The following IL34 variants were observed in gnomAD, a reference collection of about 807,000 sequenced individuals.
IL34 encodes interleukin 34, also known as interleukin-34.
IL34 carries 17 observed loss-of-function variants against 25.3 expected under a neutral mutation model. That is an observed-to-expected ratio of 0.67 (90% CI 0.46 to 1.01). IL34 has a LOEUF of 1.01. IL34 is among the 50% of genes least tolerant of loss of function. IL34 has a pLI of 0.00. For missense variants in IL34, 368 were observed against 312.9 expected (o/e 1.18, Z -1.33); for synonymous variants, 174 against 140.9 (o/e 1.23, Z -1.66).
upstream of IL34, among the ~76,000 whole-genome samples, chr16:70,646,117 C>G (rs1030596779): frequency 6.6e-6 from 1 of 151,858 alleles, no homozygotes; most frequent in African/African-American, 2.4e-5. Context: ...ACTATGCTGA[C>G]CAGGCTGGTC....
chr16:70,619,939 GGGA>G (rs2051245546), intron 1 of IL34, among the ~76,000 whole-genome samples: 1 of 152,192 alleles, frequency 6.6e-6, no homozygotes, highest in South Asian at 2.1e-4. Context: ...AAGCTCCTGT[GGGA>G]GGAGGTTCTG....
chr16:70,614,229 C>G (rs929888729), intron 1 of IL34, among the ~76,000 whole-genome samples: 1 of 151,448 alleles, frequency 6.6e-6, no homozygotes, highest in African/African-American at 2.4e-5. Flanking sequence ...CTACCCCAGA[C>G]TTTCTGAGTG....
At chr16:70,655,392 C>T (rs1307053750) in intron 2 of IL34, among the ~76,000 whole-genome samples, 1 of 149,452 alleles carries the variant, frequency 6.7e-6, no homozygotes, top group African/African-American at 2.5e-5. Flanking sequence ...CCTAAAAATC[C>T]TTTTCTTTTC....
chr16:70,586,898 C>T (rs1008213324), intron 1 of IL34, among the ~76,000 whole-genome samples: 11 of 152,204 alleles, frequency 7.2e-5, no homozygotes, highest in South Asian at 4.1e-4. Context: ...TCACCTGTGG[C>T]GGCCACCTGG....
At chr16:70,634,836 T>C (rs1235896122) in intron 1 of IL34, among the ~76,000 whole-genome samples, 1 of 152,190 alleles carries the variant, frequency 6.6e-6, no homozygotes, top group Non-Finnish European at 1.5e-5. Context: ...AATTATGTAG[T>C]GTGCACGCTT....
intron 1 of IL34, among the ~76,000 whole-genome samples, chr16:70,652,775 T>C (rs2052112539): frequency 6.6e-6 from 1 of 152,240 alleles, no homozygotes; most frequent in African/African-American, 2.4e-5. Flanking sequence ...AGTATAGACA[T>C]TTTTAAGGCT....
At chr16:70,615,169 A>G (rs1451577102) in intron 1 of IL34, among the ~76,000 whole-genome samples, 1 of 152,198 alleles carries the variant, frequency 6.6e-6, no homozygotes, top group Non-Finnish European at 1.5e-5. Context: ...CCTGACAAAA[A>G]GTCCATCGAA....
chr16:70,638,534 G>T (rs1437006703), intron 1 of IL34, among the ~76,000 whole-genome samples: 1 of 151,950 alleles, frequency 6.6e-6, no homozygotes, highest in African/African-American at 2.4e-5. Context: ...CTCTCTCTCT[G>T]GTCCCCTGGT....
upstream of IL34, among the ~76,000 whole-genome samples, chr16:70,645,167 G>A (rs1567461275): frequency 6.6e-6 from 1 of 151,872 alleles, no homozygotes; most frequent in African/African-American, 2.4e-5. Flanking sequence ...AGAGAAGGAG[G>A]AAGAGGAAGG....
In IL34 at chr16:70,656,675, G is replaced by A. The variant is rs776846660; in HGVS notation, c.236G>A (p.Arg79Lys). Reference protein sequence around the residue: ...EGVFRIANVTRLQRAQVSERE... With the variant: ...EGVFRIANVTKLQRAQVSERE... Reference sequence around the variant, plus strand: ...GTGTTCAGAATCGCCAACGTCACCAGGCTGGTGAGAATCCCTTCCTGGGCT... The same window carrying A: ...GTGTTCAGAATCGCCAACGTCACCAAGCTGGTGAGAATCCCTTCCTGGGCT... Residue 79 changes from arginine to lysine, a missense_variant, in exon 3 of 6, where the codon AGG (arginine) becomes AAG (lysine). Arg to Lys is a conservative substitution (Grantham distance 26). Transcript: ENST00000288098. The A allele has an allele frequency of 5.2e-6, 7 of 1,356,872 alleles. No homozygotes were observed. The highest frequency in any genetic ancestry group is 4.7e-5 in the South Asian group (4 of 85,864). 84.1% of individuals were successfully genotyped at this position (1,356,872 alleles called of 1,614,324 possible).
intron 1 of IL34, among the ~76,000 whole-genome samples, chr16:70,631,757 AG>A (rs1298240219): frequency 6.6e-6 from 1 of 152,224 alleles, no homozygotes; most frequent in African/African-American, 2.4e-5. Context: ...TGGGCGGGAT[AG>A]CCCAGTGGTT....
chr16:70,606,580 G>A (rs375336682), intron 1 of IL34, among the ~76,000 whole-genome samples: 90 of 151,894 alleles, frequency 5.9e-4, no homozygotes, highest in African/African-American at 1.9e-3. Flanking sequence ...TTTTAGATTC[G>A]TTTGGATTTT....
At chr16:70,604,967 G>A (rs961055312) in intron 1 of IL34, among the ~76,000 whole-genome samples, 4 of 152,122 alleles carry the variant, frequency 2.6e-5, no homozygotes, top group African/African-American at 9.7e-5. Context: ...TGTGTCAGGG[G>A]TGGTTCTGCT....
chr16:70,636,723 G>A (rs1346775796), intron 1 of IL34, among the ~76,000 whole-genome samples: 1 of 151,902 alleles, frequency 6.6e-6, no homozygotes, highest in African/African-American at 2.4e-5. Context: ...GAGCCTGATT[G>A]TGCCACTGCA....
chr16:70,646,847 C>G lies in IL34; in HGVS notation c.-101C>G. On this transcript the variant is annotated 5_prime_UTR_variant, in exon 1 of 6. Coordinates refer to ENST00000288098, the MANE Select transcript of IL34 (RefSeq NM_001393494.1). ...GGCCAGCCCTTCCCTGACTGAGTGA[C>G]CACCTCTGCTGCCCCGAGGCCATGT... 1 of 1,182,568 alleles carries G rather than the reference C, an allele frequency of 8.5e-7. No individual in the cohort carries two copies. The highest frequency in any genetic ancestry group is 1.1e-6 in the Non-Finnish European group (1 of 874,810). 73.3% of individuals were successfully genotyped at this position (1,182,568 alleles called of 1,614,324 possible).
At chr16:70,646,066 T>G (rs186935226), upstream of IL34, among the ~76,000 whole-genome samples, 2 of 151,994 alleles carry the variant, frequency 1.3e-5, no homozygotes, top group Non-Finnish European at 2.9e-5. Context: ...AAAAAATTTT[T>G]TTTTTCTTAA....
intron 1 of IL34, among the ~76,000 whole-genome samples, chr16:70,597,606 G>T (rs1439424700): frequency 6.6e-6 from 1 of 152,216 alleles, no homozygotes; most frequent in African/African-American, 2.4e-5. Context: ...TTTTGTCAAT[G>T]AACATGTTTC....
intron 1 of IL34, among the ~76,000 whole-genome samples, chr16:70,611,984 G>C (rs1462810424): frequency 2.0e-5 from 3 of 152,172 alleles, no homozygotes; most frequent in Admixed American, 6.5e-5. Flanking sequence ...AGCCATGATT[G>C]CACCTCTGCA....
intron 4 of IL34, among the ~76,000 whole-genome samples, chr16:70,658,037 G>C (rs942509268): frequency 6.6e-6 from 1 of 152,220 alleles, no homozygotes; most frequent in South Asian, 2.1e-4. Context: ...TGCAGGCCGT[G>C]TGTGCGGTGG....
Sources: gnomAD v4.1 joint callset for allele counts (sites outside exome capture counted in the v4.1 genomes callset) on GRCh38, gnomAD v4.1.1 for gene constraint, MANE v1.5 for transcripts, NCBI Gene and HGNC (gene_info 2026-07-23, HGNC 2026-07-21) for gene names.